MTREX: variants seen among roughly 807,000 people sequenced by gnomAD.
MTREX encodes the protein Mtr4 exosome RNA helicase, also known as exosome RNA helicase MTR4.
In MTREX, 76 loss-of-function variants were observed where a neutral mutation model predicts 135.4. That is an observed-to-expected ratio of 0.56 (90% confidence interval 0.47 to 0.68). MTREX has a LOEUF of 0.68. MTREX is among the 30% of genes least tolerant of loss of function. MTREX has a pLI of 0.00. For synonymous variants in MTREX, 404 were observed against 401.6 expected (o/e 1.01, Z -0.07); for missense variants, 920 against 1,262.1 (o/e 0.73, Z 4.11).
chr5:55,407,355 A>G (rs1278270344), intron 22 of MTREX, among the ~76,000 whole-genome samples: 8 of 152,232 alleles, frequency 5.3e-5, no homozygotes, highest in Non-Finnish European at 2.9e-5. Context: ...GATTAAATCT[A>G]AACTGCAGTA....
At chr5:55,334,406 A>G (rs915135835) in intron 5 of MTREX, among the ~76,000 whole-genome samples, 1 of 152,116 alleles carries the variant, frequency 6.6e-6, no homozygotes, top group Non-Finnish European at 1.5e-5. Context: ...CAGATCTCAC[A>G]TATTTTCCCT....
chr5:55,402,254 T>G (rs777452808), intron 21 of MTREX, among the ~76,000 whole-genome samples: 2 of 152,214 alleles, frequency 1.3e-5, no homozygotes, highest in Admixed American at 6.5e-5. Context: ...GCTTGCCAGG[T>G]ACTTCTCAAG....
intron 23 of MTREX, among the ~76,000 whole-genome samples, chr5:55,412,209 A>T (rs1424101930): frequency 6.6e-6 from 1 of 152,184 alleles, no homozygotes; most frequent in Non-Finnish European, 1.5e-5. Flanking sequence ...TTTTAACAGA[A>T]TGTTTTCTGC....
chr5:55,379,775 A>G (rs1009814983), intron 18 of MTREX, among the ~76,000 whole-genome samples: 11 of 152,178 alleles, frequency 7.2e-5, no homozygotes, highest in African/African-American at 2.4e-4. Context: ...CAGTGGTTTC[A>G]TGGACATTTA....
At chr5:55,395,756 A>G (rs1192214238) in intron 19 of MTREX, among the ~76,000 whole-genome samples, 1 of 152,202 alleles carries the variant, frequency 6.6e-6, no homozygotes, top group Non-Finnish European at 1.5e-5. Flanking sequence ...GATTCCTCAT[A>G]ACTAGAGAAA....
intron 3 of MTREX, chr5:55,327,429 A>T: frequency 3.7e-6 from 1 of 273,772 alleles, no homozygotes. Flanking sequence ...TCTGTTTTGT[A>T]GTAGTTTCGA....
At chr5:55,415,839 A>G in intron 24 of MTREX, 131 bp from the exon 25 acceptor site, 1 of 570,572 alleles carries the variant, frequency 1.8e-6, no homozygotes, top group Non-Finnish European at 3.0e-6. Context: ...ACTTAGGAGC[A>G]GAATGTCCAC....
chr5:55,358,948 G>T (rs1279266491), intron 15 of MTREX, among the ~76,000 whole-genome samples: 1 of 151,714 alleles, frequency 6.6e-6, no homozygotes, highest in African/African-American at 2.4e-5. Flanking sequence ...GGGCAGAAAT[G>T]TTTACTTTGT....
chr5:55,388,196 A>G, intron 19 of MTREX, 94 bp downstream of exon 19: 1 of 1,094,468 alleles, frequency 9.1e-7, no homozygotes, highest in Non-Finnish European at 1.2e-6. Flanking sequence ...TGAACATACT[A>G]TCATGATTTC....
intron 13 of MTREX, among the ~76,000 whole-genome samples, chr5:55,352,432 C>T (rs1011781130): frequency 2.0e-5 from 3 of 151,918 alleles, no homozygotes; most frequent in South Asian, 2.1e-4. Flanking sequence ...GTGTAAAATT[C>T]AAATAGAGCA....
In MTREX at chr5:55,425,506, A is replaced by G. The variant is rs1033162401; in HGVS notation, c.*734A>G. 1.3e-5 allele frequency: 8 copies of G among 598,388 alleles called. No individual in the cohort carries two copies. The highest frequency in any genetic ancestry group is 1.8e-5 in the Non-Finnish European group (7 of 379,516). 37.1% of individuals were successfully genotyped at this position (598,388 alleles called of 1,614,324 possible). On this transcript the variant is annotated 3_prime_UTR_variant, in exon 27 of 27. Transcript: ENST00000230640. ...CTGGGATTTTTTAAAGATTATTCCA[A>G]ATTAAGAGTTGCTTTGTTATGCCTT...
intron 10 of MTREX, 95 bp downstream of exon 10, chr5:55,345,291 A>G (rs1749713565): frequency 5.2e-6 from 4 of 775,008 alleles, no homozygotes; most frequent in East Asian, 2.7e-5. Context: ...TTCTCAAGCT[A>G]TGTAAAGGTC....
chr5:55,424,959 A>G lies in MTREX; in HGVS notation c.*187A>G, dbSNP rs1489474777. Reference sequence around the variant, plus strand: ...TACATAAGCATTACATTTTTTTAATAAAAATGTATACAGGTGGGGCACTGT... The same window carrying G: ...TACATAAGCATTACATTTTTTTAATGAAAATGTATACAGGTGGGGCACTGT... On this transcript the variant is annotated 3_prime_UTR_variant, in exon 27 of 27. Coordinates refer to ENST00000230640, the MANE Select transcript of MTREX (RefSeq NM_015360.5). 9 of 640,950 alleles carry G rather than the reference A, an allele frequency of 1.4e-5. No homozygotes were observed. The highest frequency in any genetic ancestry group is 2.4e-5 in the Non-Finnish European group (9 of 380,756). The allele number at this position is 640,950 out of a possible 1,614,324, so 39.7% of individuals were successfully genotyped here.
At chr5:55,414,778 T>G (rs1750941084) in intron 24 of MTREX, among the ~76,000 whole-genome samples, 2 of 152,002 alleles carry the variant, frequency 1.3e-5, no homozygotes, top group South Asian at 4.2e-4. Context: ...GCCTCCTGAG[T>G]AGCTGGGATT....
chr5:55,367,213 G>T (rs1403558045), intron 16 of MTREX, among the ~76,000 whole-genome samples: 1 of 152,266 alleles, frequency 6.6e-6, no homozygotes, highest in Non-Finnish European at 1.5e-5. Flanking sequence ...GCGGCTGGGC[G>T]CAGTGGCTCA....
chr5:55,324,921 A>G (rs1230994375), intron 3 of MTREX, among the ~76,000 whole-genome samples: 2 of 152,188 alleles, frequency 1.3e-5, no homozygotes, highest in African/African-American at 4.8e-5. Context: ...TCCTAAAGTT[A>G]AGTAACAGTG....
chr5:55,414,834 G>A (rs1750941774), intron 24 of MTREX, among the ~76,000 whole-genome samples: 1 of 152,052 alleles, frequency 6.6e-6, no homozygotes, highest in South Asian at 2.1e-4. Context: ...ATTTTTAGTA[G>A]AGACGAGGTT....
intron 14 of MTREX, chr5:55,357,570 C>G (rs1749941034): frequency 6.5e-6 from 1 of 152,918 alleles, no homozygotes; most frequent in South Asian, 2.1e-4. Flanking sequence ...GTGGGATCTG[C>G]TCTGTAGGCA....
At position 55,366,586 on chromosome 5, in the gene MTREX, T is replaced by G. The variant is rs1236447849; in HGVS notation, c.1660-139T>G. On this transcript the variant is annotated intron_variant, in intron 15 of 26. Transcript: ENST00000230640. The stretch of plus-strand genomic sequence containing the variant: ...AAAGACCTGTGGTTTTATTTTATAT[T>G]GGTTAACTAAAGGGTAGAACTAATA... 3 of 563,924 alleles carry G rather than the reference T, an allele frequency of 5.3e-6. No homozygotes were observed. The African/African-American group carries it at 5.8e-5, about 11-fold the overall frequency. 34.9% of individuals were successfully genotyped at this position (563,924 alleles called of 1,614,324 possible).
Sources: allele counts gnomAD v4.1 joint callset (sites outside exome capture counted in the v4.1 genomes callset), GRCh38; gene constraint gnomAD v4.1.1; transcripts MANE v1.5; gene names NCBI Gene and HGNC (gene_info 2026-07-23, HGNC 2026-07-21).